The following CPNE5 variants were observed in gnomAD, a reference collection of about 807,000 sequenced individuals.
The protein encoded by CPNE5 is copine-5.
In CPNE5, 42 loss-of-function variants were observed where a neutral mutation model predicts 81.1. That is an observed-to-expected ratio of 0.52 (90% CI 0.40 to 0.67). The LOEUF (loss-of-function observed/expected upper bound fraction) is 0.67, where lower values mean the gene tolerates loss of function less well. Ranked by LOEUF, CPNE5 falls within the 30% of genes least tolerant of loss-of-function variation. CPNE5 has a pLI of 0.00. For missense variants in CPNE5, 612 were observed against 815.5 expected (o/e 0.75, Z 3.04); for synonymous variants, 313 against 321.5 (o/e 0.97, Z 0.28).
chr6:36,762,957 C>T lies in CPNE5; in HGVS notation c.815G>A (p.Arg272Gln), dbSNP rs758886904. 3.7e-6 allele frequency: 6 copies of T among 1,614,176 alleles called. No individual in the cohort carries two copies. Among genetic ancestry groups the T allele is most frequent in the South Asian group, 2.2e-5 (2 of 91,086 alleles). ...TTGGCTCTGCCCACGGGCCAGCTCC[C>T]GGTAACTGGTGGTGAACTCCCCAAT... The part of the protein sequence containing the change: ...DFIGEFTTSY[R>Q]ELARGQSQFN... Residue 272 changes from arginine (R) to glutamine (Q), a missense_variant, in exon 12 of 21, where the codon CGG (arginine) becomes CAG (glutamine). Arg to Gln is a conservative substitution (Grantham distance 43, BLOSUM62 1). Coordinates refer to ENST00000244751, the MANE Select transcript of CPNE5 (RefSeq NM_020939.2).
chr6:36,822,181 G>A (rs1194932807), intron 2 of CPNE5, 21 bp from the exon 3 acceptor site: 2 of 1,492,124 alleles, frequency 1.3e-6, no homozygotes, highest in South Asian at 1.3e-5. Flanking sequence ...AGGAGAAACA[G>A]TGGATTAATA....
Position 36,823,031 on chromosome 6 carries a change from C to G in CPNE5, c.136+27G>C, listed in dbSNP as rs368454966. ...GTCATAGCGTTGCCGCTATTGTTAC[C>G]GTTCTTATTGTCAGAGCAGGACTTA... On this transcript the variant is annotated intron_variant, in intron 2 of 20. Coordinates refer to ENST00000244751, the MANE Select transcript of CPNE5 (RefSeq NM_020939.2). The G allele has an allele frequency of 1.2e-5, 19 of 1,546,090 alleles. No individual in the cohort carries two copies. The South Asian group carries it at 2.0e-4, about 16-fold the overall frequency.
intron 1 of CPNE5, among the ~76,000 whole-genome samples, chr6:36,829,106 G>T (rs1275512903): frequency 6.6e-6 from 1 of 152,140 alleles, no homozygotes; most frequent in Non-Finnish European, 1.5e-5. Flanking sequence ...GGCTTTAGCA[G>T]GACCCAAGCC....
intron 10 of CPNE5, among the ~76,000 whole-genome samples, chr6:36,770,937 G>A (rs765879363): frequency 6.6e-6 from 1 of 152,020 alleles, no homozygotes; most frequent in Non-Finnish European, 1.5e-5. Flanking sequence ...TCTGGCTGCC[G>A]ATCACACTGC....
rs140564116 is a variant in CPNE5, at chr6:36,826,166, G to A, written c.96-3068C>T. 4.4e-3 allele frequency among the ~76,000 whole-genome samples: 664 copies of A among 152,284 alleles called. 5 individuals carry two copies. Among genetic ancestry groups the A allele is most frequent in the Middle Eastern group, 0.01 (3 of 294 alleles). On this transcript the variant is annotated intron_variant, in intron 1 of 20. Transcript: ENST00000244751. Reference sequence around the variant, plus strand: ...TGTGTTTGCGTGTGTGCATGCGCATGTGTTATGGGCGGTGGGAGGGGGAGG... The same window carrying A: ...TGTGTTTGCGTGTGTGCATGCGCATATGTTATGGGCGGTGGGAGGGGGAGG...
intron 10 of CPNE5, among the ~76,000 whole-genome samples, chr6:36,773,782 T>G (rs1767250882): frequency 6.6e-6 from 1 of 151,810 alleles, no homozygotes; most frequent in Non-Finnish European, 1.5e-5. Flanking sequence ...GTATCTGGTA[T>G]CTACACTCAA....
rs369815861 is a variant in CPNE5, at chr6:36,822,119, G to T, written c.178C>A (p.Arg60=). 6.5e-7 allele frequency: 1 copy of T among 1,537,718 alleles called. No homozygotes were observed. Among genetic ancestry groups the T allele is most frequent in the East Asian group, 2.4e-5 (1 of 41,434 alleles). ...TGGGAAGGAGCTGCACCTACCTCCCGCCACTGCTTGTTCTCCATCCCTTGG... is the reference window on the plus strand; with the variant it reads ...TGGGAAGGAGCTGCACCTACCTCCCTCCACTGCTTGTTCTCCATCCCTTGG... ...YTQGMENKQW[R]EFGRTEVIDN... The change falls in exon 3 of 21, where the codon CGG becomes AGG. Residue 60 remains arginine, a synonymous_variant. Coordinates refer to ENST00000244751, the MANE Select transcript of CPNE5 (RefSeq NM_020939.2).
In CPNE5 at chr6:36,765,867, G is replaced by T. The variant is rs539657446; in HGVS notation, c.738-491C>A. 6.6e-5 allele frequency among the ~76,000 whole-genome samples: 10 copies of T among 152,300 alleles called. No homozygotes were observed. In the South Asian group the frequency reaches 1.7e-3, roughly 25 times the overall value. Reference sequence around the variant, plus strand: ...CGTCAGGGAGGAGCCCAGGGCCCTGGCTCGGGGATGGCCCGCTGAGCTTTT... The same window carrying T: ...CGTCAGGGAGGAGCCCAGGGCCCTGTCTCGGGGATGGCCCGCTGAGCTTTT... On this transcript the variant is annotated intron_variant, in intron 10 of 20. Transcript: ENST00000244751.
Position 36,746,574 on chromosome 6 carries a change from T to A in CPNE5, c.1022A>T (p.Asn341Ile). The change falls in exon 16 of 21, where the codon AAC (asparagine) becomes ATC (isoleucine). Residue 341 changes from asparagine (N) to isoleucine (I), a missense_variant. By Grantham distance (149) the Asn-to-Ile change is moderately radical (BLOSUM62 -3). Transcript: ENST00000244751. The surrounding 1 kb of genome is among the most constrained non-coding windows in gnomAD (Gnocchi z 4.5). ...GTGCAGGGATGTGGACTGTGAGGGG[T>A]TCCCTGTAACACAGGACATGGGAGC... The part of the protein sequence containing the change: ...VAIDFTASNG[N>I]PSQSTSLHYM... 6.2e-7 allele frequency: 1 copy of A among 1,611,116 alleles called. No individual in the cohort carries two copies. The highest frequency in any genetic ancestry group is 2.2e-5 in the East Asian group (1 of 44,530).
At chr6:36,782,047 C>T (rs1024952732) in intron 8 of CPNE5, among the ~76,000 whole-genome samples, 3 of 152,218 alleles carry the variant, frequency 2.0e-5, no homozygotes, top group African/African-American at 7.2e-5. Context: ...GGATGACCAC[C>T]ACAATCCTTT....
chr6:36,829,949 T>C (rs1772850223), intron 1 of CPNE5, among the ~76,000 whole-genome samples: 1 of 151,218 alleles, frequency 6.6e-6, no homozygotes. Flanking sequence ...ATGGAGCAAT[T>C]TGCATAAACA....
intron 14 of CPNE5, among the ~76,000 whole-genome samples, chr6:36,751,582 G>T (rs1457832304): frequency 1.3e-5 from 2 of 152,204 alleles, no homozygotes; most frequent in African/African-American, 4.8e-5. Context: ...CTGAGGTCAG[G>T]AGTTCGAGAC....
intron 3 of CPNE5, among the ~76,000 whole-genome samples, chr6:36,812,602 C>T (rs941937666): frequency 2.4e-4 from 36 of 152,180 alleles, no homozygotes; most frequent in African/African-American, 8.0e-4. Context: ...CCAGACAGCA[C>T]CTCACTGTGT....
chr6:36,800,653 G>A (rs1770027581), intron 3 of CPNE5, among the ~76,000 whole-genome samples: 1 of 152,184 alleles, frequency 6.6e-6, no homozygotes, highest in Non-Finnish European at 1.5e-5. Flanking sequence ...CTCGAACGTG[G>A]GCTGGACCTA....
intron 2 of CPNE5, 132 bp from the exon 3 acceptor site, chr6:36,822,292 GGGTAGA>G: frequency 1.6e-6 from 1 of 607,490 alleles, no homozygotes; most frequent in Non-Finnish European, 2.7e-6. Flanking sequence ...ATCTGGGTAG[GGGTAGA>G]GGGTGTCTCC....
At chr6:36,835,804 CAAA>C (rs112360661) in intron 1 of CPNE5, among the ~76,000 whole-genome samples, 3 of 123,556 alleles carry the variant, frequency 2.4e-5, no homozygotes, top group African/African-American at 6.0e-5. Flanking sequence ...AACTCCGTCT[CAAA>C]AAAAAAAAAA....
At chr6:36,753,870 A>G (rs1765109201) in intron 13 of CPNE5, among the ~76,000 whole-genome samples, 1 of 152,264 alleles carries the variant, frequency 6.6e-6, no homozygotes, top group Non-Finnish European at 1.5e-5. Context: ...AGATTAGGGC[A>G]GAGGACCTTT....
intron 12 of CPNE5, among the ~76,000 whole-genome samples, chr6:36,760,050 T>C (rs1212173668): frequency 1.5e-5 from 2 of 132,332 alleles, no homozygotes; most frequent in East Asian, 4.4e-4. Context: ...CTACCAAAAA[T>C]GCAAAAAAAA....
At chr6:36,785,739 G>A (rs550687512) in intron 8 of CPNE5, among the ~76,000 whole-genome samples, 10 of 152,208 alleles carry the variant, frequency 6.6e-5, no homozygotes, top group South Asian at 2.1e-4. Context: ...TAGGCCTGAC[G>A]CTGTGGCTCA....
Sources: allele counts gnomAD v4.1 joint callset (sites outside exome capture counted in the v4.1 genomes callset), GRCh38; gene constraint gnomAD v4.1.1; non-coding constraint Gnocchi (gnomAD v3.1); transcripts MANE v1.5; gene names NCBI Gene and HGNC (gene_info 2026-07-23, HGNC 2026-07-21).